The following HACE1 variants were observed in gnomAD, a reference collection of about 807,000 sequenced individuals.
HACE1 encodes the protein HECT domain and ankyrin repeat containing E3 ubiquitin protein ligase 1, also known as E3 ubiquitin-protein ligase HACE1.
In HACE1, 73 loss-of-function variants were observed where a neutral mutation model predicts 118.4. The ratio of observed to expected loss-of-function variants is 0.62; its 90% CI spans 0.51 to 0.75. The LOEUF (loss-of-function observed/expected upper bound fraction) is 0.75, where lower values mean the gene tolerates loss of function less well. HACE1 is among the 30% of genes least tolerant of loss of function. The pLI, the probability that HACE1 is intolerant of heterozygous loss-of-function variation, is 0.00. For synonymous variants in HACE1, 368 were observed against 374.8 expected (o/e 0.98, Z 0.21); for missense variants, 749 against 1,102.2 (o/e 0.68, Z 4.54).
chr6:104,797,310 CT>C (rs1192969060), intron 7 of HACE1, among the ~76,000 whole-genome samples: 153 of 143,902 alleles, frequency 1.1e-3, no homozygotes, highest in East Asian at 1.2e-3. Context: ...CAGGCTTCTG[CT>C]TTTTTTTTTT....
intron 17 of HACE1, among the ~76,000 whole-genome samples, chr6:104,775,221 G>A (rs1400394448): frequency 1.3e-5 from 2 of 151,900 alleles, no homozygotes; most frequent in Admixed American, 6.6e-5. Context: ...CTAGCCAGGC[G>A]CCATGGCTGG....
At chr6:104,748,283 TTAAA>T (rs1374459998) in intron 20 of HACE1, among the ~76,000 whole-genome samples, 1 of 151,798 alleles carries the variant, frequency 6.6e-6, no homozygotes, top group East Asian at 1.9e-4. Flanking sequence ...GGCAAATTAC[TTAAA>T]TAGACACTTT....
In HACE1 at chr6:104,730,468, A is replaced by G. The variant is rs1160530634; in HGVS notation, c.2514-52T>C. The G allele has an allele frequency of 5.5e-6, 5 of 914,374 alleles. No homozygotes were observed. In the East Asian group the frequency reaches 1.2e-4, roughly 22 times the overall value. The allele number at this position is 914,374 out of a possible 1,614,324, so 56.6% of individuals were successfully genotyped here. A position where few individuals can be genotyped will look rare whatever the true frequency, so the allele number is the denominator to read the frequency against. ...TAATCATGAAAGAAAGATATTTGTG[A>G]CAGATAAATTTCAAGTTCTAAGTTA... On this transcript the variant is annotated intron_variant, in intron 22 of 23. Coordinates refer to ENST00000262903, the MANE Select transcript of HACE1 (RefSeq NM_020771.4).
Position 104,771,409 on chromosome 6 carries a change from A to G in HACE1, c.2015-20T>C. On this transcript the variant is annotated intron_variant, in intron 18 of 23. Coordinates refer to ENST00000262903, the MANE Select transcript of HACE1 (RefSeq NM_020771.4). Reference sequence around the variant, plus strand: ...GAATACCTAAAAAATGCAAACATACAGCAGTTATAGTCTGGTTTTGCCTTC... The same window carrying G: ...GAATACCTAAAAAATGCAAACATACGGCAGTTATAGTCTGGTTTTGCCTTC... 6.6e-7 allele frequency: 1 copy of G among 1,525,146 alleles called. No homozygotes were observed. Among genetic ancestry groups the G allele is most frequent in the Non-Finnish European group, 9.1e-7 (1 of 1,100,834 alleles). 94.5% of individuals were successfully genotyped at this position (1,525,146 alleles called of 1,614,324 possible).
At chr6:104,847,621 T>C (rs1775785181) in intron 4 of HACE1, among the ~76,000 whole-genome samples, 3 of 152,178 alleles carry the variant, frequency 2.0e-5, no homozygotes, top group African/African-American at 7.2e-5. Flanking sequence ...TGTTTTAATC[T>C]TTATACGCAA....
chr6:104,771,057 TAACTTA>T, intron 19 of HACE1, 130 bp downstream of exon 19: 2 of 652,220 alleles, frequency 3.1e-6, no homozygotes, highest in Middle Eastern at 5.0e-4. Flanking sequence ...ATTGTTTTAT[TAACTTA>T]AACGTTTTAT....
intron 1 of HACE1, among the ~76,000 whole-genome samples, chr6:104,854,758 T>G (rs931995173): frequency 1.3e-5 from 2 of 152,194 alleles, no homozygotes; most frequent in African/African-American, 4.8e-5. Flanking sequence ...AAAAACATAA[T>G]TCATATGTTT....
At chr6:104,784,058 G>C in intron 14 of HACE1, 28 bp downstream of exon 14, 1 of 1,079,346 alleles carries the variant, frequency 9.3e-7, no homozygotes, top group Non-Finnish European at 1.4e-6. Context: ...TCATTAGATA[G>C]AATAAAAAGA....
intron 14 of HACE1, chr6:104,780,498 G>A (rs1336039990): frequency 9.3e-6 from 3 of 323,416 alleles, no homozygotes; most frequent in African/African-American, 4.4e-5. Context: ...TCCCTTAGCA[G>A]AGGTAGTTGT....
At chr6:104,845,218 C>T (rs1014548005) in intron 4 of HACE1, among the ~76,000 whole-genome samples, 1 of 151,640 alleles carries the variant, frequency 6.6e-6, no homozygotes, top group African/African-American at 2.4e-5. Context: ...ATCTTCATAC[C>T]ATGGATTATA....
intron 17 of HACE1, 61 bp downstream of exon 17, chr6:104,776,680 C>G: frequency 2.1e-6 from 2 of 970,480 alleles, no homozygotes; most frequent in Middle Eastern, 4.2e-4. Context: ...ATAAAATGTA[C>G]TGAAATAGTG....
chr6:104,858,258 T>C (rs1415094168), intron 1 of HACE1: 3 of 176,288 alleles, frequency 1.7e-5, no homozygotes, highest in Non-Finnish European at 3.7e-5. Flanking sequence ...GCTATACCAA[T>C]AATTCGACTA....
chr6:104,733,427 T>G (rs1312024806), intron 22 of HACE1, among the ~76,000 whole-genome samples: 1 of 152,198 alleles, frequency 6.6e-6, no homozygotes, highest in East Asian at 1.9e-4. Context: ...CTGATCATGT[T>G]AAGATCATAA....
intron 7 of HACE1, among the ~76,000 whole-genome samples, chr6:104,797,835 G>A (rs1402299514): frequency 3.3e-5 from 5 of 151,990 alleles, no homozygotes; most frequent in Admixed American, 2.0e-4. Context: ...TTGAGAGGCC[G>A]GGGTAGGTGG....
In HACE1 at chr6:104,825,477, T is replaced by C. The variant is rs573266331; in HGVS notation, c.534+7565A>G. On this transcript the variant is annotated intron_variant, in intron 6 of 23. Transcript: ENST00000262903. ...AGCAACCAATCAGACTAACTGAAGG[T>C]AGTTATGTGCAAGCAATCGGACTGA... is the stretch of plus-strand genomic sequence containing the variant. Among the ~76,000 whole-genome samples, 3 of 151,970 alleles carry C rather than the reference T, an allele frequency of 2.0e-5. No homozygotes were observed. In the South Asian group the frequency reaches 6.2e-4, roughly 31 times the overall value.
intron 7 of HACE1, among the ~76,000 whole-genome samples, chr6:104,800,124 G>A (rs1770150594): frequency 6.6e-6 from 1 of 150,582 alleles, no homozygotes; most frequent in Non-Finnish European, 1.5e-5. Context: ...AGCAGTCTGA[G>A]ATAGTCCTGC....
chr6:104,831,769 T>C (rs1773900200), intron 6 of HACE1, among the ~76,000 whole-genome samples: 1 of 151,282 alleles, frequency 6.6e-6, no homozygotes. Context: ...GGCCGGTCCC[T>C]GTAGTCCCAG....
rs1463822104 is a variant in HACE1 at position 104,728,552 on chromosome 6, C to A, written c.*1110G>T. 1.3e-5 allele frequency: 2 copies of A among 152,176 alleles called. No homozygotes were observed. The highest frequency in any genetic ancestry group is 4.8e-5 in the African/African-American group (2 of 41,442). The allele number at this position is 152,176 out of a possible 1,614,324, so 9.4% of individuals were successfully genotyped here. ...ACACAATGACTGCTTATGAGAAAAT[C>A]TGCATATGTCATTCTACAAACAGTA... On this transcript the variant is annotated 3_prime_UTR_variant, in exon 24 of 24. Coordinates refer to ENST00000262903, the MANE Select transcript of HACE1 (RefSeq NM_020771.4).
chr6:104,767,429 C>T (rs547878453), intron 19 of HACE1, among the ~76,000 whole-genome samples: 69 of 152,198 alleles, frequency 4.5e-4, no homozygotes, highest in African/African-American at 1.7e-3. Flanking sequence ...GCATGCTTCC[C>T]CAAACCAAAA....
Sources: gnomAD v4.1 joint callset for allele counts (sites outside exome capture counted in the v4.1 genomes callset) on GRCh38, gnomAD v4.1.1 for gene constraint, MANE v1.5 for transcripts, NCBI Gene and HGNC (gene_info 2026-07-23, HGNC 2026-07-21) for gene names.